ASB15: variants seen among roughly 807,000 people sequenced by gnomAD.
The protein encoded by ASB15 is ankyrin repeat and SOCS box protein 15.
In ASB15, 54 loss-of-function variants were observed where a neutral mutation model predicts 58.0. That is an observed-to-expected ratio of 0.93 (90% CI 0.75 to 1.17). The LOEUF (loss-of-function observed/expected upper bound fraction) is 1.17, where lower values mean the gene tolerates loss of function less well. Among genes scored for constraint, ASB15 ranks in the 50% most tolerant of loss-of-function variants. ASB15 has a pLI of 0.00. For synonymous variants in ASB15, 249 were observed against 262.4 expected, an observed-to-expected ratio of 0.95 and a Z score of 0.50; for missense variants, 680 against 707.4, an observed-to-expected ratio of 0.96 and a Z score of 0.44.
At chr7:123,633,951 AT>A (rs1376587805) in intron 11 of ASB15, among the ~76,000 whole-genome samples, 1 of 152,236 alleles carries the variant, frequency 6.6e-6, no homozygotes, top group Non-Finnish European at 1.5e-5. Flanking sequence ...AGATGGGACA[AT>A]TTAAGTTTCA....
At chr7:123,635,221 A>G (rs551233168) in intron 11 of ASB15, among the ~76,000 whole-genome samples, 143 of 152,316 alleles carry the variant, frequency 9.4e-4, no homozygotes, top group African/African-American at 3.2e-3. Context: ...AATAAAGAAG[A>G]ATGGATTGTA....
rs532653559 is a variant in ASB15 at position 123,610,774 on chromosome 7, T to C, written c.-3+2120T>C. 8.5e-5 allele frequency among the ~76,000 whole-genome samples: 13 copies of C among 152,340 alleles called. No individual in the cohort carries two copies. In the South Asian group the frequency reaches 1.9e-3, roughly 22 times the overall value. ...AGTTACTTTGTAAATCAGCTACTTA[T>C]GGAGAACAAATGATTTATCTTGTGG... On this transcript the variant is annotated intron_variant, in intron 3 of 11. Transcript: ENST00000451215.
At position 123,627,146 on chromosome 7, in the gene ASB15, C is replaced by A; in HGVS notation, c.734C>A (p.Ser245Ter). Residue 245 changes from serine to a stop codon, truncating the protein, a stop_gained, in exon 9 of 12, where the codon TCG becomes TAG. Coordinates refer to ENST00000451215, the MANE Select transcript of ASB15 (RefSeq NM_001290258.2). LOFTEE classifies it high-confidence loss of function. ...CTTGCTTTGGCGGATGATGGGGCGT[C>A]GGTGCTGTTTGAGGCAGCAGGAGGT... The part of the protein sequence containing the change: ...DVLALADDGA[S>*]VLFEAAGGGN... 1 of 1,613,704 alleles carries A rather than the reference C, an allele frequency of 6.2e-7. No individual in the cohort carries two copies. Among genetic ancestry groups the A allele is most frequent in the Non-Finnish European group, 8.5e-7 (1 of 1,179,888 alleles).
At chr7:123,567,502 C>T (rs1798794936) in intron 1 of ASB15, among the ~76,000 whole-genome samples, 1 of 152,218 alleles carries the variant, frequency 6.6e-6, no homozygotes, top group Non-Finnish European at 1.5e-5. Context: ...AGAGTTAGGA[C>T]TTCCTACGCT....
chr7:123,613,439 A>C (rs900022344), intron 3 of ASB15, among the ~76,000 whole-genome samples: 2 of 152,194 alleles, frequency 1.3e-5, no homozygotes, highest in East Asian at 3.9e-4. Flanking sequence ...TATTTACTAA[A>C]TGTCCTCTCT....
intron 1 of ASB15, among the ~76,000 whole-genome samples, chr7:123,590,346 T>G (rs1799499900): frequency 6.6e-6 from 1 of 152,250 alleles, no homozygotes; most frequent in South Asian, 2.1e-4. Flanking sequence ...TTTGTCTATT[T>G]TGGCTTTTGT....
intron 3 of ASB15, 92 bp from the exon 4 acceptor site, chr7:123,614,408 GT>G: frequency 1.3e-6 from 1 of 746,520 alleles, no homozygotes; most frequent in South Asian, 1.7e-5. Flanking sequence ...ATGCATTTTA[GT>G]TTTTCACTAT....
chr7:123,599,387 G>C (rs1190089499), upstream of ASB15, among the ~76,000 whole-genome samples: 1 of 152,210 alleles, frequency 6.6e-6, no homozygotes, highest in Non-Finnish European at 1.5e-5. Context: ...GCCTCATAAA[G>C]AATGGGCTGG....
intron 1 of ASB15, among the ~76,000 whole-genome samples, chr7:123,603,371 A>G (rs1180039489): frequency 6.6e-6 from 1 of 152,204 alleles, no homozygotes; most frequent in Non-Finnish European, 1.5e-5. Flanking sequence ...TGTCTTTTTG[A>G]TTAGCAGAGC....
At position 123,628,977 on chromosome 7, in the gene ASB15, T is replaced by C. The variant is rs141521774; in HGVS notation, c.983T>C (p.Ile328Thr). 6 of 1,613,260 alleles carry C rather than the reference T, an allele frequency of 3.7e-6. No individual in the cohort carries two copies. Among genetic ancestry groups the C allele is most frequent in the Middle Eastern group, 3.3e-4 (2 of 6,062 alleles). ...AATGCACAGTGTCTAGAACTGCTCA[T>C]TGAAAATGGTTTTGATGTCAACACT... ...GQNAQCLELL[I>T]ENGFDVNTLL... Residue 328 changes from isoleucine (I) to threonine (T), a missense_variant, in exon 10 of 12, where the codon ATT becomes ACT. Transcript: ENST00000451215.
intron 1 of ASB15, among the ~76,000 whole-genome samples, chr7:123,585,840 T>C (rs553341618): frequency 1.4e-4 from 21 of 152,010 alleles, no homozygotes; most frequent in Non-Finnish European, 2.2e-4. Flanking sequence ...TTTGTCTTTC[T>C]GTTACTAGCT....
At chr7:123,587,263 C>A (rs1410895699) in intron 1 of ASB15, among the ~76,000 whole-genome samples, 1 of 151,530 alleles carries the variant, frequency 6.6e-6, no homozygotes, top group Non-Finnish European at 1.5e-5. Context: ...CACCTTTCAC[C>A]TCCTTGGTTA....
intron 1 of ASB15, 47 bp downstream of exon 1, chr7:123,601,961 G>A (rs187229707): frequency 6.6e-6 from 1 of 152,232 alleles, no homozygotes; most frequent in East Asian, 1.9e-4. Flanking sequence ...CTAGCTTATT[G>A]AATAGTTCAT....
intron 1 of ASB15, among the ~76,000 whole-genome samples, chr7:123,582,664 C>T (rs1376431319): frequency 2.0e-5 from 3 of 151,858 alleles, no homozygotes; most frequent in Non-Finnish European, 4.4e-5. Flanking sequence ...ATCTCGAAAA[C>T]TCCTTCTTAT....
upstream of ASB15, among the ~76,000 whole-genome samples, chr7:123,597,938 G>A (rs1484443761): frequency 4.6e-5 from 7 of 151,586 alleles, no homozygotes; most frequent in Admixed American, 2.6e-4. Flanking sequence ...GTGTGTGTGT[G>A]TGTGTGTGTG....
Position 123,630,003 on chromosome 7 carries a change from T to C in ASB15, c.1478T>C (p.Leu493Ser). 1.9e-6 allele frequency: 3 copies of C among 1,601,096 alleles called. No homozygotes were observed. The highest frequency in any genetic ancestry group is 2.6e-6 in the Non-Finnish European group (3 of 1,170,268). ...ATTACAGTTCCTTGGATGAAGCACTTGGTAGGCAGAGTTACTCGTGTACTA... is the reference window on the plus strand; with the variant it reads ...ATTACAGTTCCTTGGATGAAGCACTCGGTAGGCAGAGTTACTCGTGTACTA... The part of the protein sequence containing the change: ...EFITVPWMKH[L>S]VGRVTRVLID... The change falls in exon 11 of 12, where the codon TTG (leucine) becomes TCG (serine). Residue 493 changes from leucine to serine, a missense_variant. Coordinates refer to ENST00000451215, the MANE Select transcript of ASB15 (RefSeq NM_001290258.2).
chr7:123,579,684 G>A (rs914663533), intron 1 of ASB15, among the ~76,000 whole-genome samples: 1 of 152,004 alleles, frequency 6.6e-6, no homozygotes, highest in Admixed American at 6.6e-5. Context: ...TGGGAGTTGA[G>A]TTAATTTGGC....
chr7:123,628,890 C>T lies in ASB15; in HGVS notation c.896C>T (p.Thr299Ile). The T allele has an allele frequency of 1.3e-6, 2 of 1,557,360 alleles. No homozygotes were observed. The highest frequency in any genetic ancestry group is 1.7e-6 in the Non-Finnish European group (2 of 1,152,884). ...YLALKYLIPV[T>I]SKNAIRKSGL... Reference sequence around the variant, plus strand: ...GCACTGAAATATCTTATCCCAGTAACATCTAAAAATGCAATTCGGAAAAGT... The same window carrying T: ...GCACTGAAATATCTTATCCCAGTAATATCTAAAAATGCAATTCGGAAAAGT... The change falls in exon 10 of 12, where the codon ACA becomes ATA. Residue 299 changes from threonine (T) to isoleucine (I), a missense_variant. Thr to Ile is a moderately conservative substitution (Grantham distance 89). Transcript: ENST00000451215.
rs754308297 is a variant in ASB15 at position 123,624,751 on chromosome 7, A to C, written c.634A>C (p.Thr212Pro). ...NVHLRDGFGV[T>P]PLGVAAEYGH... ...CCACCTGAGAGATGGATTTGGAGTC[A>C]CACCACTAGGCGTCGCTGCCGAGTA... Residue 212 changes from threonine to proline, a missense_variant, in exon 8 of 12, where the codon ACA becomes CCA. By Grantham distance (38) the Thr-to-Pro change is conservative. Transcript: ENST00000451215. The C allele has an allele frequency of 6.2e-7, 1 of 1,614,078 alleles. No homozygotes were observed. Among genetic ancestry groups the C allele is most frequent in the South Asian group, 1.1e-5 (1 of 91,076 alleles).
Sources: allele counts gnomAD v4.1 joint callset (sites outside exome capture counted in the v4.1 genomes callset), GRCh38; gene constraint gnomAD v4.1.1; transcripts MANE v1.5; gene names NCBI Gene and HGNC (gene_info 2026-07-23, HGNC 2026-07-21).